The following SEMA6D variants were observed in gnomAD, a reference collection of about 807,000 sequenced individuals.
SEMA6D encodes semaphorin 6D, also known as semaphorin-6D.
A neutral mutation model predicts 106.6 loss-of-function variants in SEMA6D; 35 were observed. The ratio of observed to expected loss-of-function variants is 0.33; its 90% CI spans 0.25 to 0.44. SEMA6D has a LOEUF of 0.44. Among genes scored for constraint, SEMA6D ranks in the 20% least tolerant of loss-of-function variants. The probability of loss-of-function intolerance (pLI) is 1.00; values close to 1 mark genes in which losing one functional copy is unlikely to be tolerated. For synonymous variants in SEMA6D, 499 were observed against 487.7 expected (o/e 1.02, Z -0.31); for missense variants, 1,185 against 1,345.9 (o/e 0.88, Z 1.87).
At chr15:47,583,044 C>G (rs1016959707) in intron 3 of SEMA6D, among the ~76,000 whole-genome samples, 2 of 152,240 alleles carry the variant, frequency 1.3e-5, no homozygotes, top group Non-Finnish European at 2.9e-5. Flanking sequence ...GAGCTATGCA[C>G]TATTCTCAGT....
chr15:47,735,533 A>T (rs939031728), intron 1 of SEMA6D, among the ~76,000 whole-genome samples: 1 of 152,230 alleles, frequency 6.6e-6, no homozygotes, highest in African/African-American at 2.4e-5. Context: ...AAGGTCACTG[A>T]CAAATGGAAA....
chr15:47,614,662 T>A (rs2076973283), intron 4 of SEMA6D, among the ~76,000 whole-genome samples: 1 of 152,156 alleles, frequency 6.6e-6, no homozygotes, highest in Non-Finnish European at 1.5e-5. Flanking sequence ...CTCCCCAGTA[T>A]AATTTGTGTT....
chr15:47,686,318 C>T (rs2145677726), intron 4 of SEMA6D, among the ~76,000 whole-genome samples: 2 of 152,300 alleles, frequency 1.3e-5, no homozygotes, highest in African/African-American at 2.4e-5. Flanking sequence ...AGTTCTAACC[C>T]TCTGAAACTT....
chr15:47,303,853 G>A (rs147568872), intron 1 of SEMA6D, among the ~76,000 whole-genome samples: 197 of 152,234 alleles, frequency 1.3e-3, no homozygotes, highest in African/African-American at 4.5e-3. Flanking sequence ...ATGAGGCTCT[G>A]AACTGTGCTT....
At chr15:47,194,242 ATG>A (rs1894176650) in intron 1 of SEMA6D, among the ~76,000 whole-genome samples, 1 of 152,188 alleles carries the variant, frequency 6.6e-6, no homozygotes, top group African/African-American at 2.4e-5. Context: ...TATGTCATAT[ATG>A]TGTCACTAAG....
intron 4 of SEMA6D, among the ~76,000 whole-genome samples, chr15:47,677,303 A>C (rs1167428697): frequency 6.6e-6 from 1 of 152,084 alleles, no homozygotes; most frequent in Admixed American, 6.6e-5. Context: ...TGTTGATTGT[A>C]TTGCCTGTAT....
At chr15:47,490,047 G>T (rs2043423181) in intron 3 of SEMA6D, among the ~76,000 whole-genome samples, 1 of 152,104 alleles carries the variant, frequency 6.6e-6, no homozygotes, top group African/African-American at 2.4e-5. Flanking sequence ...CTTAGATATT[G>T]CATCTGCTTC....
intron 1 of SEMA6D, among the ~76,000 whole-genome samples, chr15:47,361,556 A>G (rs1407050407): frequency 6.6e-6 from 1 of 152,214 alleles, no homozygotes; most frequent in East Asian, 1.9e-4. Flanking sequence ...AGAACTACTC[A>G]CTGCCTCCCA....
rs71432251 is a variant in SEMA6D, at chr15:47,772,357, C to CGTGTGTGTGTGTGTGTGTGTGT, written c.*585_*606dup. 45 of 141,638 alleles carry CGTGTGTGTGTGTGTGTGTGTGT rather than the reference C, an allele frequency of 3.2e-4. No homozygotes were observed. The highest frequency in any genetic ancestry group is 2.3e-3 in the East Asian group (11 of 4,826). The allele number at this position is 141,638 out of a possible 1,614,324, so 8.8% of individuals were successfully genotyped here. A position where few individuals can be genotyped will look rare whatever the true frequency, so the allele number is the denominator to read the frequency against. On this transcript the variant is annotated 3_prime_UTR_variant, in exon 19 of 19. Transcript: ENST00000536845. ...CACCAACAAACTTGTTGTGTGTGTG[C>CGTGTGTGTGTGTGTGTGTGTGT]GTGTGTGTGTGTGTGTGTGTGTGTG...
chr15:47,262,055 C>G (rs1358221774), intron 1 of SEMA6D, among the ~76,000 whole-genome samples: 1 of 151,904 alleles, frequency 6.6e-6, no homozygotes, highest in Admixed American at 6.6e-5. Flanking sequence ...AAGCTGAGAA[C>G]CAAATCAGAT....
intron 2 of SEMA6D, among the ~76,000 whole-genome samples, chr15:47,422,749 A>G (rs954607547): frequency 3.3e-5 from 5 of 152,110 alleles, no homozygotes; most frequent in Non-Finnish European, 7.4e-5. Flanking sequence ...TATCACTGCA[A>G]GAGGCATTTT....
chr15:47,365,097 G>T (rs547147823), intron 1 of SEMA6D, among the ~76,000 whole-genome samples: 1 of 152,152 alleles, frequency 6.6e-6, no homozygotes, highest in Non-Finnish European at 1.5e-5. Flanking sequence ...GCCTGGAAGG[G>T]CCTAAAAGGC....
At chr15:47,520,757 A>T (rs534150765) in intron 3 of SEMA6D, among the ~76,000 whole-genome samples, 2 of 152,172 alleles carry the variant, frequency 1.3e-5, no homozygotes, top group East Asian at 1.9e-4. Context: ...GGGGATTACA[A>T]TGGAGAATCT....
intron 4 of SEMA6D, among the ~76,000 whole-genome samples, chr15:47,601,378 T>C (rs574607852): frequency 4.6e-5 from 7 of 152,294 alleles, no homozygotes; most frequent in Admixed American, 2.0e-4. Flanking sequence ...TTGTGTAACT[T>C]TCCAGGAGTA....
intron 3 of SEMA6D, among the ~76,000 whole-genome samples, chr15:47,496,048 T>C (rs1567120740): frequency 1.3e-5 from 2 of 152,078 alleles, no homozygotes; most frequent in Non-Finnish European, 2.9e-5. Context: ...TCACTAGAAA[T>C]AGAGTATAAC....
chr15:47,569,540 C>T (rs945806656), intron 3 of SEMA6D, among the ~76,000 whole-genome samples: 2 of 152,062 alleles, frequency 1.3e-5, no homozygotes, highest in African/African-American at 4.8e-5. Flanking sequence ...ACCAAGGAGA[C>T]CACACAGCAA....
chr15:47,578,393 A>G (rs1429263881), intron 3 of SEMA6D, among the ~76,000 whole-genome samples: 1 of 152,236 alleles, frequency 6.6e-6, no homozygotes, highest in African/African-American at 2.4e-5. Flanking sequence ...GTTCCTTCAG[A>G]TTTTGTGTTT....
chr15:47,458,469 A>C (rs146122483), intron 2 of SEMA6D, among the ~76,000 whole-genome samples: 84 of 152,146 alleles, frequency 5.5e-4, no homozygotes, highest in African/African-American at 1.6e-3. Context: ...CCATAAAAGA[A>C]GTCTTATTAA....
intron 3 of SEMA6D, among the ~76,000 whole-genome samples, chr15:47,567,399 G>A (rs1158638294): frequency 6.6e-6 from 1 of 152,144 alleles, no homozygotes; most frequent in East Asian, 1.9e-4. Flanking sequence ...AGCAAATAAT[G>A]TTAAAGGACA....
Sources: allele counts gnomAD v4.1 joint callset (sites outside exome capture counted in the v4.1 genomes callset), GRCh38; gene constraint gnomAD v4.1.1; transcripts MANE v1.5; gene names NCBI Gene and HGNC (gene_info 2026-07-23, HGNC 2026-07-21).